Variants in SLIT3 observed in about 807,000 individuals in gnomAD.
SLIT3 encodes slit guidance ligand 3.
Under a neutral mutation model 184.0 loss-of-function variants are expected in SLIT3, and 68 were observed. The ratio of observed to expected loss-of-function variants is 0.37; its 90% CI spans 0.30 to 0.45. The LOEUF (loss-of-function observed/expected upper bound fraction) is 0.45. Ranked by LOEUF, SLIT3 falls within the 20% of genes least tolerant of loss-of-function variation. The pLI is 1.00. For synonymous variants in SLIT3, 831 were observed against 828.6 expected, an observed-to-expected ratio of 1.00 and a Z score of -0.05; for missense variants, 1,707 against 2,026.0, an observed-to-expected ratio of 0.84 and a Z score of 3.02.
chr5:168,726,208 G>C (rs1341163391), intron 20 of SLIT3, among the ~76,000 whole-genome samples: 1 of 151,602 alleles, frequency 6.6e-6, no homozygotes, highest in African/African-American at 2.4e-5. Context: ...CAAGAGAAAT[G>C]CATTCATTCA....
At chr5:169,092,337 C>A (rs1335092647) in intron 4 of SLIT3, among the ~76,000 whole-genome samples, 2 of 152,150 alleles carry the variant, frequency 1.3e-5, no homozygotes, top group African/African-American at 2.4e-5. Flanking sequence ...GAGTAAATGG[C>A]CATGAGGAGT....
intron 1 of SLIT3, among the ~76,000 whole-genome samples, chr5:169,264,311 A>G (rs142642090): frequency 0.011 from 1,694 of 152,204 alleles, 14 homozygotes; most frequent in Middle Eastern, 0.024. Flanking sequence ...CTCCTGCCTC[A>G]GCCTCCCGAG....
chr5:169,009,015 G>C (rs990016104), intron 4 of SLIT3, among the ~76,000 whole-genome samples: 1 of 152,100 alleles, frequency 6.6e-6, no homozygotes, highest in South Asian at 2.1e-4. Context: ...ACAGCTGGTC[G>C]GGCTGGGATT....
intron 6 of SLIT3, among the ~76,000 whole-genome samples, chr5:168,831,662 C>T (rs1319083213): frequency 2.6e-5 from 4 of 152,024 alleles, no homozygotes; most frequent in Non-Finnish European, 4.4e-5. Context: ...GATTTGGCAC[C>T]GGGTGAGCGT....
intron 5 of SLIT3, among the ~76,000 whole-genome samples, chr5:168,865,173 CAAAAAA>C (rs70979103): frequency 5.3e-5 from 3 of 56,292 alleles, no homozygotes; most frequent in Admixed American, 2.1e-4. Flanking sequence ...AACTCCGTCT[CAAAAAA>C]AAAAAAAAAA....
intron 27 of SLIT3, 59 bp downstream of exon 27, chr5:168,700,523 T>C (rs1762183934): frequency 8.3e-7 from 1 of 1,204,528 alleles, no homozygotes; most frequent in Non-Finnish European, 1.2e-6. Context: ...TGGGTATGTC[T>C]TTATTAGCAG....
chr5:168,671,723 C>G (rs6891847), intron 33 of SLIT3, among the ~76,000 whole-genome samples: 68 of 152,250 alleles, frequency 4.5e-4, no homozygotes, highest in African/African-American at 1.6e-3. Context: ...TAGAAAATTT[C>G]CCATAAAAAT....
chr5:169,015,103 C>CAAA lies in SLIT3; in HGVS notation c.414-131770_414-131768dup, dbSNP rs60081779. On this transcript the variant is annotated intron_variant, in intron 4 of 35. Coordinates refer to ENST00000519560, the MANE Select transcript of SLIT3 (RefSeq NM_003062.4). ...ATGAATTACAAACCAACTAACTGGA[C>CAAA]AAAAAAAAAACAAAGCAACACCATC... Among the ~76,000 whole-genome samples the CAAA allele has an allele frequency of 3.6e-4, 52 of 145,676 alleles. 1 individual carries two copies. Among genetic ancestry groups the CAAA allele is most frequent in the East Asian group, 2.6e-3 (13 of 4,980 alleles).
At chr5:169,115,259 G>A (rs959319767) in intron 4 of SLIT3, among the ~76,000 whole-genome samples, 5 of 152,166 alleles carry the variant, frequency 3.3e-5, no homozygotes, top group African/African-American at 9.7e-5. Context: ...AGGAAGCTTG[G>A]AAGCTTTTCT....
intron 4 of SLIT3, among the ~76,000 whole-genome samples, chr5:168,975,463 AC>A (rs1561584515): frequency 1.3e-5 from 2 of 151,364 alleles, no homozygotes; most frequent in East Asian, 1.9e-4. Flanking sequence ...ACACCCCCCC[AC>A]ACACACAGAC....
intron 20 of SLIT3, among the ~76,000 whole-genome samples, chr5:168,747,608 G>A (rs976424234): frequency 6.6e-6 from 1 of 152,110 alleles, no homozygotes; most frequent in Non-Finnish European, 1.5e-5. Flanking sequence ...CCTTCTGTCT[G>A]TGCTTTCCTG....
intron 4 of SLIT3, among the ~76,000 whole-genome samples, chr5:168,897,646 GTACACACACACA>G (rs1419071933): frequency 1.4e-3 from 144 of 105,446 alleles, no homozygotes; most frequent in Non-Finnish European, 1.4e-3. Context: ...ACAGGTGCAC[GTACACACACACA>G]CACACACACA....
intron 10 of SLIT3, chr5:168,790,463 C>T (rs3822666): frequency 0.25 from 38,479 of 152,102 alleles, 6,116 homozygotes; most frequent in African/African-American, 0.44. Context: ...TGCTCAATTA[C>T]GGGCATCCCA....
At chr5:168,968,953 G>A (rs543636978) in intron 4 of SLIT3, among the ~76,000 whole-genome samples, 1 of 152,312 alleles carries the variant, frequency 6.6e-6, no homozygotes, top group South Asian at 2.1e-4. Context: ...CCCAGGTGGA[G>A]TCTACGAATA....
intron 5 of SLIT3, among the ~76,000 whole-genome samples, chr5:168,846,980 T>A (rs4410654): frequency 0.19 from 28,807 of 152,136 alleles, 2,758 homozygotes; most frequent in East Asian, 0.25. Flanking sequence ...AAGATTTTTT[T>A]AAAAGACTAA....
intron 4 of SLIT3, among the ~76,000 whole-genome samples, chr5:169,045,537 C>T (rs75170917): frequency 4.0e-5 from 6 of 151,842 alleles, no homozygotes; most frequent in Non-Finnish European, 7.4e-5. Flanking sequence ...GCCTGACACA[C>T]GGTAGGTATT....
intron 20 of SLIT3, among the ~76,000 whole-genome samples, chr5:168,730,198 A>T (rs1763252775): frequency 6.6e-6 from 1 of 152,084 alleles, no homozygotes; most frequent in African/African-American, 2.4e-5. Flanking sequence ...TACATACACA[A>T]CCAACATTGG....
intron 4 of SLIT3, among the ~76,000 whole-genome samples, chr5:169,098,544 T>C (rs917221492): frequency 1.3e-5 from 2 of 152,218 alleles, no homozygotes; most frequent in African/African-American, 4.8e-5. Context: ...ATGACGCTAG[T>C]GTTCACAGCT....
intron 10 of SLIT3, 135 bp from the exon 11 acceptor site, chr5:168,789,766 T>C (rs1373417205): frequency 4.4e-6 from 3 of 682,042 alleles, no homozygotes; most frequent in South Asian, 1.9e-5. Flanking sequence ...CATTTACTCA[T>C]AGTGCAAGAG....
Sources: allele counts gnomAD v4.1 joint callset (sites outside exome capture counted in the v4.1 genomes callset), GRCh38; gene constraint gnomAD v4.1.1; transcripts MANE v1.5; gene names NCBI Gene and HGNC (gene_info 2026-07-23, HGNC 2026-07-21).